Variants in PDE4D observed in about 807,000 individuals in gnomAD.
The protein encoded by PDE4D is 3',5'-cyclic-AMP phosphodiesterase 4D.
A neutral mutation model predicts 87.4 loss-of-function variants in PDE4D; 24 were observed. That is an observed-to-expected ratio of 0.27 (90% CI 0.20 to 0.39). PDE4D has a LOEUF of 0.39. Among genes scored for constraint, PDE4D ranks in the 10% least tolerant of loss-of-function variants. The pLI is 1.00. For synonymous variants in PDE4D, 384 were observed against 383.2 expected (o/e 1.00, Z -0.02); for missense variants, 714 against 1,041.0 (o/e 0.69, Z 4.32).
At chr5:60,027,344 C>G (rs1290035734) in intron 2 of PDE4D, among the ~76,000 whole-genome samples, 4 of 152,120 alleles carry the variant, frequency 2.6e-5, no homozygotes, top group Non-Finnish European at 5.9e-5. Context: ...TCTGTTCCTG[C>G]TTTAATTCAC....
intron 2 of PDE4D, among the ~76,000 whole-genome samples, chr5:60,023,698 T>G (rs1262079320): frequency 6.6e-6 from 1 of 152,174 alleles, no homozygotes; most frequent in Non-Finnish European, 1.5e-5. Context: ...ATTATAAGGC[T>G]GGCTGAAACA....
intron 1 of PDE4D, among the ~76,000 whole-genome samples, chr5:59,331,312 G>A (rs1333140893): frequency 6.6e-6 from 1 of 152,112 alleles, no homozygotes; most frequent in Non-Finnish European, 1.5e-5. Flanking sequence ...AGTGGGGTTG[G>A]TTTCTTCGGG....
chr5:60,051,786 A>T (rs1770188842), intron 2 of PDE4D, among the ~76,000 whole-genome samples: 1 of 152,158 alleles, frequency 6.6e-6, no homozygotes, highest in Non-Finnish European at 1.5e-5. Flanking sequence ...AAATAGATAG[A>T]CCACTAGCCA....
chr5:60,377,182 C>T (rs573430037), intron 1 of PDE4D, among the ~76,000 whole-genome samples: 3 of 152,310 alleles, frequency 2.0e-5, no homozygotes, highest in African/African-American at 7.2e-5. Context: ...ATTGTCACTG[C>T]CTATTTCTGT....
chr5:60,264,115 G>T (rs1429421960), intron 1 of PDE4D, among the ~76,000 whole-genome samples: 1 of 152,036 alleles, frequency 6.6e-6, no homozygotes, highest in Non-Finnish European at 1.5e-5. Context: ...TAAATGGTGA[G>T]ACTTAGATTG....
rs532730347 is a variant in PDE4D at position 59,694,314 on chromosome 5, G to A, written c.455+198854C>T. On this transcript the variant is annotated intron_variant, in intron 1 of 14. Coordinates refer to ENST00000340635, the MANE Select transcript of PDE4D (RefSeq NM_001104631.2). ...GTTATACACCAGGTTGGCCGTCTTC[G>A]CTGGGAAGATGGTTAGGTCAGCTTG... Among the ~76,000 whole-genome samples, 179 of 152,252 alleles carry A rather than the reference G, an allele frequency of 1.2e-3. 1 individual carries two copies. Among genetic ancestry groups the A allele is most frequent in the Non-Finnish European group, 2.0e-3 (138 of 68,028 alleles).
intron 5 of PDE4D, chr5:59,172,803 T>A (rs1783223704): frequency 6.6e-6 from 1 of 152,084 alleles, no homozygotes; most frequent in South Asian, 2.1e-4. Flanking sequence ...CTCCCTTACT[T>A]TGTAAATTTC....
chr5:59,724,024 A>G (rs1273209386), intron 1 of PDE4D, among the ~76,000 whole-genome samples: 2 of 152,174 alleles, frequency 1.3e-5, no homozygotes, highest in East Asian at 3.9e-4. Context: ...TGTTTCCCAG[A>G]CTTCTTTTAT....
chr5:59,389,825 G>T (rs1787879455), intron 1 of PDE4D, among the ~76,000 whole-genome samples: 1 of 152,088 alleles, frequency 6.6e-6, no homozygotes, highest in African/African-American at 2.4e-5. Flanking sequence ...GTAGAGAGTA[G>T]AATGATGGTT....
At chr5:59,666,299 A>G (rs1245509005) in intron 1 of PDE4D, among the ~76,000 whole-genome samples, 2 of 152,172 alleles carry the variant, frequency 1.3e-5, no homozygotes, top group Non-Finnish European at 2.9e-5. Flanking sequence ...TAACAGTCCA[A>G]ATGGACTAAG....
intron 2 of PDE4D, among the ~76,000 whole-genome samples, chr5:60,111,189 T>C (rs1355208828): frequency 1.3e-5 from 2 of 151,904 alleles, no homozygotes; most frequent in Non-Finnish European, 2.9e-5. Context: ...AAATGACAAA[T>C]GTTTGAGGTG....
intron 1 of PDE4D, among the ~76,000 whole-genome samples, chr5:59,675,956 T>A (rs1748001570): frequency 6.6e-6 from 1 of 152,134 alleles, no homozygotes; most frequent in South Asian, 2.1e-4. Flanking sequence ...CCGCCCAAAG[T>A]GCTGGGATTA....
At chr5:59,898,721 G>T (rs1033650083), upstream of PDE4D, among the ~76,000 whole-genome samples, 4 of 152,140 alleles carry the variant, frequency 2.6e-5, no homozygotes, top group African/African-American at 9.7e-5. Flanking sequence ...CTATAAACCT[G>T]CAAGGACAGC....
intron 1 of PDE4D, among the ~76,000 whole-genome samples, chr5:59,383,751 CATATGT>C (rs1269661205): frequency 1.3e-5 from 2 of 152,002 alleles, no homozygotes; most frequent in East Asian, 3.8e-4. Flanking sequence ...ATATATAATC[CATATGT>C]ATATTTGTTT....
At chr5:59,507,664 C>CAAAAAAAAAAAAAAAAA (rs1284106865) in intron 1 of PDE4D, among the ~76,000 whole-genome samples, 4 of 79,790 alleles carry the variant, frequency 5.0e-5, no homozygotes, top group Non-Finnish European at 4.8e-5. Flanking sequence ...TACCCTGTCT[C>CAAAAAAAAAAAAAAAAA]AAAAAAAAAA....
At chr5:59,065,099 C>A (rs1260281353) in intron 5 of PDE4D, among the ~76,000 whole-genome samples, 1 of 148,954 alleles carries the variant, frequency 6.7e-6, no homozygotes, top group Admixed American at 6.7e-5. Context: ...CACACACACA[C>A]ACACACACAC....
chr5:59,635,813 G>A (rs1205569779), intron 1 of PDE4D, among the ~76,000 whole-genome samples: 1 of 152,180 alleles, frequency 6.6e-6, no homozygotes, highest in Non-Finnish European at 1.5e-5. Flanking sequence ...TATTCCCTTT[G>A]AAAACTGGCA....
At chr5:59,550,450 A>G (rs1358204820) in intron 1 of PDE4D, among the ~76,000 whole-genome samples, 2 of 152,174 alleles carry the variant, frequency 1.3e-5, no homozygotes, top group Non-Finnish European at 2.9e-5. Context: ...AAAGCTACTC[A>G]AACTTTCACT....
intron 5 of PDE4D, among the ~76,000 whole-genome samples, chr5:59,134,194 GA>G (rs1340292901): frequency 6.8e-6 from 1 of 146,698 alleles, no homozygotes; most frequent in African/African-American, 2.6e-5. Context: ...GTGAGATTTA[GA>G]AAAAAAGATG....
Sources: gnomAD v4.1 joint callset for allele counts (sites outside exome capture counted in the v4.1 genomes callset) on GRCh38, gnomAD v4.1.1 for gene constraint, MANE v1.5 for transcripts, NCBI Gene and HGNC (gene_info 2026-07-23, HGNC 2026-07-21) for gene names.